Variants in PRKN observed in about 807,000 individuals in gnomAD.
PRKN encodes the protein E3 ubiquitin-protein ligase parkin.
Under a neutral mutation model 59.5 loss-of-function variants are expected in PRKN, and 56 were observed. That is an observed-to-expected ratio of 0.94 (90% CI 0.76 to 1.18). The LOEUF is 1.18. PRKN is among the 50% of genes most tolerant of loss of function. The pLI is 0.00. For missense variants in PRKN, 657 were observed against 596.4 expected, an observed-to-expected ratio of 1.10 and a Z score of -1.06; for synonymous variants, 250 against 222.1, an observed-to-expected ratio of 1.13 and a Z score of -1.12.
rs140582748 is a variant in PRKN at position 162,252,396 on chromosome 6, C to T, written c.412+10129G>A. Among the ~76,000 whole-genome samples, 88 of 152,352 alleles carry T rather than the reference C, an allele frequency of 5.8e-4. No individual in the cohort carries two copies. The East Asian group carries it at 0.014, about 25-fold the overall frequency. ...GTGTTGACTGCAATGGTTAAGTCAT[C>T]TGTCTGTCTCTGACAAAAGAGCTAG... On this transcript the variant is annotated intron_variant, in intron 3 of 11. Transcript: ENST00000366898.
At chr6:162,131,060 C>G (rs571679387) in intron 4 of PRKN, among the ~76,000 whole-genome samples, 3 of 152,142 alleles carry the variant, frequency 2.0e-5, no homozygotes, top group Non-Finnish European at 4.4e-5. Context: ...ATTTCAAAAT[C>G]CTTCCTTTCC....
At chr6:161,900,910 T>TTATATATATATATATATA (rs377407497) in intron 6 of PRKN, among the ~76,000 whole-genome samples, 3 of 138,740 alleles carry the variant, frequency 2.2e-5, no homozygotes, top group Admixed American at 7.5e-5. Context: ...ATATGTTAAA[T>TTATATATATATATATATA]TGTATATATA....
intron 2 of PRKN, among the ~76,000 whole-genome samples, chr6:162,272,780 C>T (rs1780451166): frequency 1.3e-5 from 2 of 151,686 alleles, no homozygotes; most frequent in Non-Finnish European, 2.9e-5. Flanking sequence ...GGCAGATCAC[C>T]CGAGGTCAGG....
At chr6:161,965,750 T>A (rs910340924) in intron 6 of PRKN, among the ~76,000 whole-genome samples, 1 of 152,142 alleles carries the variant, frequency 6.6e-6, no homozygotes, top group Non-Finnish European at 1.5e-5. Context: ...TTCCAGCCTA[T>A]AGGTAAATTT....
intron 9 of PRKN, among the ~76,000 whole-genome samples, chr6:161,543,892 T>C (rs1779705084): frequency 1.3e-5 from 2 of 152,196 alleles, no homozygotes; most frequent in East Asian, 1.9e-4. Flanking sequence ...ACTAAACACG[T>C]CAGCATTTTG....
intron 2 of PRKN, among the ~76,000 whole-genome samples, chr6:162,428,952 C>T (rs777361546): frequency 1.5e-4 from 23 of 152,182 alleles, no homozygotes; most frequent in Non-Finnish European, 2.8e-4. Flanking sequence ...TCAAACTTCA[C>T]CTTCCAAGAG....
chr6:161,450,482 T>G (rs966521977), intron 9 of PRKN, among the ~76,000 whole-genome samples: 1 of 152,266 alleles, frequency 6.6e-6, no homozygotes, highest in African/African-American at 2.4e-5. Context: ...CAATGCCCAA[T>G]TGTTTTCTTG....
intron 9 of PRKN, among the ~76,000 whole-genome samples, chr6:161,541,431 C>T (rs147662046): frequency 4.0e-4 from 61 of 152,316 alleles, no homozygotes; most frequent in Non-Finnish European, 7.8e-4. Flanking sequence ...GAGCTCTCTG[C>T]AGCTTATAAA....
chr6:162,581,169 T>G (rs1047164788), intron 1 of PRKN, among the ~76,000 whole-genome samples: 6 of 152,128 alleles, frequency 3.9e-5, no homozygotes, highest in African/African-American at 1.4e-4. Context: ...TTTGATTTCC[T>G]TTCCCCAAAA....
intron 2 of PRKN, among the ~76,000 whole-genome samples, chr6:162,414,613 A>C (rs9689466): frequency 0.58 from 87,829 of 150,448 alleles, 26,645 homozygotes; most frequent in African/African-American, 0.74. Context: ...CGGGAGGCTG[A>C]AGCAGGAGAA....
rs184575998 is a variant in PRKN, at chr6:161,355,772, C to T, written c.1285+4316G>A. 6.6e-5 allele frequency among the ~76,000 whole-genome samples: 10 copies of T among 152,302 alleles called. No homozygotes were observed. Among genetic ancestry groups the T allele is most frequent in the African/African-American group, 1.2e-4 (5 of 41,566 alleles). Reference sequence around the variant, plus strand: ...CTCTCTTCTGGGATTGGAGCCTAGACGGTCAAGGTCCCTGATCTCACCGGC... The same window carrying T: ...CTCTCTTCTGGGATTGGAGCCTAGATGGTCAAGGTCCCTGATCTCACCGGC... On this transcript the variant is annotated intron_variant, in intron 11 of 11. Coordinates refer to ENST00000366898, the MANE Select transcript of PRKN (RefSeq NM_004562.3). The surrounding 1 kb of genome is among the most constrained non-coding windows in gnomAD (Gnocchi z 6.8).
At chr6:162,337,664 G>A (rs139461641) in intron 2 of PRKN, among the ~76,000 whole-genome samples, 3 of 152,242 alleles carry the variant, frequency 2.0e-5, no homozygotes, top group African/African-American at 2.4e-5. Flanking sequence ...AGCAGGTCTC[G>A]ATCCATCATC....
chr6:161,854,754 C>T, intron 6 of PRKN, among the ~76,000 whole-genome samples: 1 of 152,020 alleles, frequency 6.6e-6, no homozygotes, highest in East Asian at 1.9e-4. Context: ...CTCTTGAAAC[C>T]AGTGAAAAAC....
At chr6:162,306,438 C>A (rs1489135008) in intron 2 of PRKN, among the ~76,000 whole-genome samples, 1 of 152,148 alleles carries the variant, frequency 6.6e-6, no homozygotes, top group Non-Finnish European at 1.5e-5. Flanking sequence ...CCTGAATGTG[C>A]AGCTGGGAAT....
chr6:161,484,011 CT>C lies in PRKN; in HGVS notation c.1083+64842del, dbSNP rs1791535644. Among the ~76,000 whole-genome samples, 1 of 152,064 alleles carries C rather than the reference CT, an allele frequency of 6.6e-6. No individual in the cohort carries two copies. The highest frequency in any genetic ancestry group is 2.1e-4 in the South Asian group (1 of 4,828). ...TGGACACATGGGGGAACAACACACA[CT>C]GGGGCCTGCTGGGGGGTTGTGGGGA... On this transcript the variant is annotated intron_variant, in intron 9 of 11. Transcript: ENST00000366898. The surrounding 1 kb of genome is among the most constrained non-coding windows in gnomAD (Gnocchi z 4.9).
intron 6 of PRKN, among the ~76,000 whole-genome samples, chr6:161,945,921 G>A (rs1269429185): frequency 6.6e-6 from 1 of 152,148 alleles, no homozygotes. Flanking sequence ...TGCCAAGGAC[G>A]AAGAAATATT....
At chr6:162,066,195 A>C (rs893620800) in intron 4 of PRKN, among the ~76,000 whole-genome samples, 1 of 152,192 alleles carries the variant, frequency 6.6e-6, no homozygotes, top group Non-Finnish European at 1.5e-5. Flanking sequence ...TAACACTGTA[A>C]AAGTGTTCCT....
intron 1 of PRKN, among the ~76,000 whole-genome samples, chr6:162,513,404 A>T (rs1411321925): frequency 6.6e-6 from 1 of 151,876 alleles, no homozygotes; most frequent in Admixed American, 6.6e-5. Flanking sequence ...ACTTGAACCC[A>T]GGAGGGAGAG....
intron 5 of PRKN, among the ~76,000 whole-genome samples, chr6:162,044,053 C>A (rs1784163938): frequency 1.3e-5 from 2 of 152,144 alleles, no homozygotes; most frequent in South Asian, 4.1e-4. Context: ...GACAAAAATG[C>A]CAATTCTAAT....
Sources: allele counts gnomAD v4.1 joint callset (sites outside exome capture counted in the v4.1 genomes callset), GRCh38; gene constraint gnomAD v4.1.1; non-coding constraint Gnocchi (gnomAD v3.1); transcripts MANE v1.5; gene names NCBI Gene and HGNC (gene_info 2026-07-23, HGNC 2026-07-21).